SPECC1: variants seen among roughly 807,000 people sequenced by gnomAD.
The protein encoded by SPECC1 is cytospin-B.
A neutral mutation model predicts 104.1 loss-of-function variants in SPECC1; 62 were observed. The observed-to-expected ratio is 0.60, with a 90% CI of 0.49 to 0.74. The LOEUF is 0.74. SPECC1 is among the 30% of genes least tolerant of loss of function. SPECC1 has a pLI of 0.00. For missense variants in SPECC1, 1,306 were observed against 1,310.5 expected (o/e 1.00, Z 0.05); for synonymous variants, 513 against 501.6 (o/e 1.02, Z -0.30).
In SPECC1 at chr17:20,245,960, G is replaced by A. The variant is rs753181693; in HGVS notation, c.2386G>A (p.Asp796Asn). Residue 796 changes from aspartate (D) to asparagine (N), a missense_variant, in exon 8 of 15, where the codon GAT becomes AAT. Coordinates refer to ENST00000395527, the MANE Select transcript of SPECC1 (RefSeq NM_001243439.2). ...TGAAGAGCCAGAGTCCTCTGAGGTCGATGCTGCTGGTCGGTGGCCTGGTGT... is the reference window on the plus strand; with the variant it reads ...TGAAGAGCCAGAGTCCTCTGAGGTCAATGCTGCTGGTCGGTGGCCTGGTGT... ...VDEEPESSEV[D>N]AAGRWPGVCV... The A allele has an allele frequency of 9.3e-6, 15 of 1,614,126 alleles. No homozygotes were observed. The highest frequency in any genetic ancestry group is 8.8e-5 in the South Asian group (8 of 91,082).
intron 4 of SPECC1, among the ~76,000 whole-genome samples, chr17:20,210,153 G>A (rs2037040523): frequency 6.6e-6 from 1 of 152,218 alleles, no homozygotes; most frequent in Non-Finnish European, 1.5e-5. Flanking sequence ...GCAAATAGAT[G>A]ATCCTGTAGC....
chr17:20,051,076 CTTTCTTTCT>C (rs2045734353), intron 1 of SPECC1, among the ~76,000 whole-genome samples: 1 of 57,120 alleles, frequency 1.8e-5, no homozygotes, highest in Non-Finnish European at 3.4e-5. Flanking sequence ...CTTTTTCTTT[CTTTCTTTCT>C]TTCTTTCTTT....
At chr17:20,034,498 T>C (rs2044975038) in intron 1 of SPECC1, among the ~76,000 whole-genome samples, 1 of 152,142 alleles carries the variant, frequency 6.6e-6, no homozygotes, top group Non-Finnish European at 1.5e-5. Flanking sequence ...ACCAAAGTGC[T>C]GGAATTACAG....
intron 12 of SPECC1, among the ~76,000 whole-genome samples, chr17:20,271,830 A>G (rs555945923): frequency 6.6e-5 from 10 of 151,458 alleles, no homozygotes; most frequent in African/African-American, 2.2e-4. Flanking sequence ...TAGATGGTAA[A>G]ATTTTATGAC....
intron 3 of SPECC1, among the ~76,000 whole-genome samples, chr17:20,140,185 AT>A (rs2030596194): frequency 6.6e-6 from 1 of 152,150 alleles, no homozygotes; most frequent in South Asian, 2.1e-4. Flanking sequence ...TAAACATTTT[AT>A]TTTCACCCAA....
chr17:20,231,865 TC>T lies in SPECC1; in HGVS notation c.2145+36del, dbSNP rs151306354. 3.3e-4 allele frequency: 528 copies of T among 1,598,368 alleles called. 1 individual carries two copies. The African/African-American group carries it at 6.1e-3, about 18-fold the overall frequency. ...CGGGTGGGAGCCTTCACCACCATCT[TC>T]CTATGAATTACCCGCTCCGAGGTGT... On this transcript the variant is annotated intron_variant, in intron 6 of 14. Transcript: ENST00000395527.
chr17:20,107,144 CAAAAAAAAAA>C (rs531912350), intron 2 of SPECC1, among the ~76,000 whole-genome samples: 2 of 68,214 alleles, frequency 2.9e-5, no homozygotes, highest in East Asian at 9.0e-4. Flanking sequence ...ACTCGTGTCT[CAAAAAAAAAA>C]AAAAAAAAAA....
chr17:20,110,339 T>C, intron 2 of SPECC1, 88 bp from the exon 3 acceptor site: 1 of 1,445,676 alleles, frequency 6.9e-7, no homozygotes, highest in African/African-American at 1.4e-5. Context: ...GCTGGGCACA[T>C]AGCCCAGCTC....
In SPECC1 at chr17:20,043,826, A is replaced by G. The variant is rs1421767323; in HGVS notation, c.-22+34402A>G. ...GGAAGATAAAGTATTGAATTATAGT[A>G]GTTACTCGTAGTCACAACTGCTACT... On this transcript the variant is annotated intron_variant, in intron 1 of 14. Coordinates refer to ENST00000395527, the MANE Select transcript of SPECC1 (RefSeq NM_001243439.2). Among the ~76,000 whole-genome samples the G allele has an allele frequency of 3.3e-5, 5 of 152,302 alleles. No homozygotes were observed. The East Asian group carries it at 9.6e-4, about 29-fold the overall frequency.
intron 1 of SPECC1, among the ~76,000 whole-genome samples, chr17:20,078,842 A>G (rs1243534186): frequency 6.6e-6 from 1 of 152,198 alleles, no homozygotes; most frequent in African/African-American, 2.4e-5. Context: ...TCACCTCTGG[A>G]GAGAGAAGTA....
At chr17:20,237,280 GT>G (rs987659684) in intron 7 of SPECC1, 39 of 1,084,890 alleles carry the variant, frequency 3.6e-5, no homozygotes, top group Non-Finnish European at 4.3e-5. Context: ...GAGTTCTTTT[GT>G]TTTTTGTTGT....
Position 20,144,619 on chromosome 17 carries a change from TG to T in SPECC1, c.283+34058del, listed in dbSNP as rs367969591. On this transcript the variant is annotated intron_variant, in intron 3 of 14. Transcript: ENST00000395527. The stretch of plus-strand genomic sequence containing the variant: ...TATATATAAGTGAACTTCAAAATCT[TG>T]AAGGCCAATGATGACTTTGATTTTT... 1.6e-3 allele frequency among the ~76,000 whole-genome samples: 245 copies of T among 152,300 alleles called. 2 individuals are homozygous for T. In the East Asian group the frequency reaches 0.019, roughly 12 times the overall value.
chr17:20,100,789 A>G (rs895261574), intron 2 of SPECC1, among the ~76,000 whole-genome samples: 1 of 152,012 alleles, frequency 6.6e-6, no homozygotes, highest in Non-Finnish European at 1.5e-5. Flanking sequence ...TGCATTAGGT[A>G]TTTGTCCTAA....
At chr17:20,287,196 T>C (rs1051564634) in intron 12 of SPECC1, among the ~76,000 whole-genome samples, 3 of 152,088 alleles carry the variant, frequency 2.0e-5, no homozygotes, top group African/African-American at 7.2e-5. Flanking sequence ...GGCGGGTGGA[T>C]CATGAGGTCA....
intron 1 of SPECC1, among the ~76,000 whole-genome samples, chr17:20,035,840 T>C (rs1161636726): frequency 1.4e-5 from 2 of 145,676 alleles, no homozygotes; most frequent in Non-Finnish European, 3.0e-5. Flanking sequence ...GTTATTTTGC[T>C]TTTTTTTTTT....
At chr17:20,131,226 C>G (rs116922675) in intron 3 of SPECC1, among the ~76,000 whole-genome samples, 3,985 of 152,272 alleles carry the variant, frequency 0.026, 69 homozygotes, top group Non-Finnish European at 0.041. Flanking sequence ...TTTTCTTCCT[C>G]TGTTGCCCAG....
At chr17:20,187,906 A>G (rs772970895) in intron 3 of SPECC1, among the ~76,000 whole-genome samples, 12 of 152,236 alleles carry the variant, frequency 7.9e-5, no homozygotes, top group Non-Finnish European at 1.8e-4. Flanking sequence ...CTGCCTGCAG[A>G]CATTCAGATG....
intron 12 of SPECC1, among the ~76,000 whole-genome samples, chr17:20,273,489 G>C (rs1167360059): frequency 6.6e-6 from 1 of 151,928 alleles, no homozygotes; most frequent in Non-Finnish European, 1.5e-5. Flanking sequence ...AAGAGGCCTG[G>C]GGGTGGAGAG....
chr17:20,223,014 C>G (rs1453531268), intron 4 of SPECC1, among the ~76,000 whole-genome samples: 1 of 151,958 alleles, frequency 6.6e-6, no homozygotes, highest in East Asian at 1.9e-4. Context: ...ATTAAAATGT[C>G]TTACTTGGGC....
Sources: gnomAD v4.1 joint callset for allele counts (sites outside exome capture counted in the v4.1 genomes callset) on GRCh38, gnomAD v4.1.1 for gene constraint, MANE v1.5 for transcripts, NCBI Gene and HGNC (gene_info 2026-07-23, HGNC 2026-07-21) for gene names.